SUGCT: variants seen among roughly 807,000 people sequenced by gnomAD.
The protein encoded by SUGCT is succinyl-CoA:glutarate-CoA transferase.
Under a neutral mutation model 55.0 loss-of-function variants are expected in SUGCT, and 41 were observed. The observed-to-expected ratio is 0.74, with a 90% CI of 0.58 to 0.97. The LOEUF is 0.97. SUGCT is among the 50% of genes least tolerant of loss of function. The pLI is 0.00. For missense variants in SUGCT, 568 were observed against 547.8 expected (o/e 1.04, Z -0.37); for synonymous variants, 187 against 200.4 (o/e 0.93, Z 0.56).
At chr7:40,495,948 A>G (rs894545578) in intron 11 of SUGCT, among the ~76,000 whole-genome samples, 3 of 152,208 alleles carry the variant, frequency 2.0e-5, no homozygotes, top group African/African-American at 7.2e-5. Flanking sequence ...TGAGACCTAA[A>G]AGACATATTG....
At chr7:40,158,009 C>A (rs553638780) in intron 1 of SUGCT, among the ~76,000 whole-genome samples, 1 of 151,994 alleles carries the variant, frequency 6.6e-6, no homozygotes, top group Non-Finnish European at 1.5e-5. Context: ...GAGTTCAAGA[C>A]CAGCCTGGCC....
chr7:40,706,098 T>C (rs1205445000), intron 12 of SUGCT, among the ~76,000 whole-genome samples: 1 of 152,130 alleles, frequency 6.6e-6, no homozygotes, highest in African/African-American at 2.4e-5. Context: ...TTAATATTTC[T>C]AATAATACAG....
At chr7:40,153,626 A>C (rs1190846140) in intron 1 of SUGCT, 1 of 522,994 alleles carries the variant, frequency 1.9e-6, no homozygotes. Context: ...ATGTTATAAT[A>C]GTCGATCCAA....
chr7:40,648,612 G>T (rs915236885), intron 12 of SUGCT, among the ~76,000 whole-genome samples: 1 of 152,198 alleles, frequency 6.6e-6, no homozygotes, highest in Non-Finnish European at 1.5e-5. Flanking sequence ...GATTAGGGTT[G>T]GCCCTAAATC....
intron 9 of SUGCT, among the ~76,000 whole-genome samples, chr7:40,323,154 CTTGGTGGCTGTAAA>C (rs1185692110): frequency 6.6e-6 from 1 of 151,972 alleles, no homozygotes; most frequent in Non-Finnish European, 1.5e-5. Context: ...TGTCATCAGT[CTTGGTGGCTGTAAA>C]ATCCACATAG....
intron 11 of SUGCT, among the ~76,000 whole-genome samples, chr7:40,494,904 T>TTTTG (rs113548802): frequency 0.096 from 14,105 of 146,308 alleles, 804 homozygotes; most frequent in Middle Eastern, 0.18. Flanking sequence ...AAATTATTCT[T>TTTTG]TTTGTTTGTT....
chr7:41,025,020 T>C, the SUGCT span, among the ~76,000 whole-genome samples: 1 of 152,222 alleles, frequency 6.6e-6, no homozygotes. Context: ...ATACATACTC[T>C]GTAAGTGTTG....
At chr7:40,940,127 T>G in the SUGCT span, among the ~76,000 whole-genome samples, 2 of 152,126 alleles carry the variant, frequency 1.3e-5, no homozygotes, top group African/African-American at 4.8e-5. Context: ...ATTTATTGAA[T>G]AGGATGTCCT....
chr7:40,962,778 T>A, the SUGCT span, among the ~76,000 whole-genome samples: 1 of 152,116 alleles, frequency 6.6e-6, no homozygotes, highest in Non-Finnish European at 1.5e-5. Context: ...CGGGTTGACT[T>A]TTGATAAGGA....
At chr7:40,659,479 C>G (rs1801196587) in intron 12 of SUGCT, among the ~76,000 whole-genome samples, 1 of 152,148 alleles carries the variant, frequency 6.6e-6, no homozygotes, top group Non-Finnish European at 1.5e-5. Flanking sequence ...AGCCAAGAGA[C>G]CAAGGCAAAA....
At chr7:40,585,790 T>C (rs2151721471) in intron 12 of SUGCT, among the ~76,000 whole-genome samples, 1 of 152,166 alleles carries the variant, frequency 6.6e-6, no homozygotes, top group African/African-American at 2.4e-5. Flanking sequence ...GGTGATTCTC[T>C]TACCTCAGCC....
chr7:40,449,743 T>C (rs1384732436), intron 10 of SUGCT, among the ~76,000 whole-genome samples: 2 of 152,126 alleles, frequency 1.3e-5, no homozygotes, highest in Non-Finnish European at 2.9e-5. Context: ...ATCAGGTTAA[T>C]TGGAACCATA....
At chr7:40,289,946 A>C (rs1793630070) in intron 8 of SUGCT, among the ~76,000 whole-genome samples, 1 of 152,220 alleles carries the variant, frequency 6.6e-6, no homozygotes, top group African/African-American at 2.4e-5. Flanking sequence ...TCCAACTTAC[A>C]AGGGATGCGA....
At chr7:40,239,613 G>A (rs1259529927) in intron 7 of SUGCT, among the ~76,000 whole-genome samples, 1 of 152,090 alleles carries the variant, frequency 6.6e-6, no homozygotes, top group African/African-American at 2.4e-5. Flanking sequence ...TTGAGCTGGG[G>A]GATTACTGTA....
chr7:40,391,604 G>A (rs1280743241), intron 9 of SUGCT, among the ~76,000 whole-genome samples: 1 of 151,998 alleles, frequency 6.6e-6, no homozygotes, highest in East Asian at 1.9e-4. Flanking sequence ...ACACCAGTTC[G>A]AATAGTGATC....
intron 9 of SUGCT, among the ~76,000 whole-genome samples, chr7:40,421,202 A>C (rs1289340881): frequency 1.3e-5 from 2 of 152,120 alleles, no homozygotes; most frequent in African/African-American, 4.8e-5. Flanking sequence ...CACCCTTCAG[A>C]GGTCTTGAGC....
At chr7:40,773,503 T>C (rs1789291222) in intron 13 of SUGCT, among the ~76,000 whole-genome samples, 1 of 152,204 alleles carries the variant, frequency 6.6e-6, no homozygotes, top group Non-Finnish European at 1.5e-5. Context: ...ATTTGTTTCC[T>C]CTAATCTGCT....
rs78529723 is a variant in SUGCT at position 40,697,120 on chromosome 7, G to A, written c.1090-52314G>A. Among the ~76,000 whole-genome samples the A allele has an allele frequency of 3.2e-3, 492 of 152,236 alleles. 2 individuals carry two copies. The highest frequency in any genetic ancestry group is 0.011 in the African/African-American group (456 of 41,538). ...ACACACAGCAAAAAGGCTCAAAAAA[G>A]TGTGTATTCATATACTTATTCAAAA... On this transcript the variant is annotated intron_variant, in intron 12 of 13. Transcript: ENST00000335693.
At chr7:40,951,296 G>A in the SUGCT span, among the ~76,000 whole-genome samples, 18 of 152,164 alleles carry the variant, frequency 1.2e-4, no homozygotes, top group African/African-American at 3.9e-4. Context: ...CTGTAGGATC[G>A]GTGGTGATAT....
Sources: gnomAD v4.1 joint callset for allele counts (sites outside exome capture counted in the v4.1 genomes callset) on GRCh38, gnomAD v4.1.1 for gene constraint, MANE v1.5 for transcripts, NCBI Gene and HGNC (gene_info 2026-07-23, HGNC 2026-07-21) for gene names.